Variants in TBX15 observed in about 807,000 individuals in gnomAD.
TBX15 encodes the protein T-box transcription factor 15, also known as T-box transcription factor TBX15.
In TBX15, 18 loss-of-function variants were observed where a neutral mutation model predicts 53.9. The observed-to-expected ratio is 0.33, with a 90% CI of 0.23 to 0.49. The LOEUF (loss-of-function observed/expected upper bound fraction) is 0.49. Among genes scored for constraint, TBX15 ranks in the 20% least tolerant of loss-of-function variants. The pLI is 0.98. For synonymous variants in TBX15, 295 were observed against 278.0 expected (o/e 1.06, Z -0.61); for missense variants, 692 against 749.5 (o/e 0.92, Z 0.90).
chr1:118,896,882 G>GA (rs1298505275), intron 7 of TBX15, among the ~76,000 whole-genome samples: 1 of 152,112 alleles, frequency 6.6e-6, no homozygotes, highest in Admixed American at 6.5e-5. Flanking sequence ...TTAATAATGA[G>GA]AATCTGGATC....
intron 1 of TBX15, among the ~76,000 whole-genome samples, chr1:118,976,098 C>CA (rs1324408003): frequency 6.6e-6 from 1 of 152,062 alleles, no homozygotes; most frequent in Non-Finnish European, 1.5e-5. Context: ...AGTAAATGAT[C>CA]AAATCCAGGC....
chr1:118,899,210 A>C (rs868416981), intron 6 of TBX15, 85 bp from the exon 7 acceptor site: 4 of 1,234,578 alleles, frequency 3.2e-6, no homozygotes, highest in Middle Eastern at 1.9e-4. Flanking sequence ...GTGGACTGTC[A>C]AACAGGTAAT....
chr1:118,975,489 A>T (rs1182496357), intron 1 of TBX15, among the ~76,000 whole-genome samples: 1 of 152,248 alleles, frequency 6.6e-6, no homozygotes, highest in Admixed American at 6.5e-5. Context: ...GCTCTTAAGC[A>T]TCATCTACAG....
intron 3 of TBX15, among the ~76,000 whole-genome samples, chr1:118,926,159 C>T (rs576682379): frequency 2.6e-5 from 4 of 152,168 alleles, no homozygotes; most frequent in Non-Finnish European, 5.9e-5. Flanking sequence ...CCTCTCCTTC[C>T]TCTTTCCAAA....
intron 6 of TBX15, among the ~76,000 whole-genome samples, chr1:118,903,617 G>C (rs1654711600): frequency 6.6e-6 from 1 of 152,114 alleles, no homozygotes; most frequent in Admixed American, 6.6e-5. Context: ...GTATGCTATA[G>C]GTTGATAAGG....
intron 7 of TBX15, among the ~76,000 whole-genome samples, chr1:118,888,533 A>T (rs927307713): frequency 6.6e-6 from 1 of 152,172 alleles, no homozygotes; most frequent in Non-Finnish European, 1.5e-5. Flanking sequence ...TTCCTCTTTG[A>T]GGCATCCTAC....
rs184651814 is a variant in TBX15, at chr1:118,884,460, A to G, written c.*272T>C. ...ACGAAGTGATTATTCAGTCTCTTCA[A>G]AGGCCACTCTGGAACAGACAATGCT... On this transcript the variant is annotated 3_prime_UTR_variant, in exon 8 of 8. Transcript: ENST00000369429. The G allele has an allele frequency of 3.9e-6, 2 of 509,230 alleles. No homozygotes were observed. The highest frequency in any genetic ancestry group is 7.1e-5 in the East Asian group (2 of 28,338). The allele number at this position is 509,230 out of a possible 1,614,324, so 31.5% of individuals were successfully genotyped here.
At chr1:118,945,198 A>G (rs959348174) in intron 1 of TBX15, among the ~76,000 whole-genome samples, 6 of 152,200 alleles carry the variant, frequency 3.9e-5, no homozygotes, top group Non-Finnish European at 1.5e-5. Flanking sequence ...AGACATTGCC[A>G]GTGAATTGAG....
At chr1:118,949,131 T>C (rs889168861) in intron 1 of TBX15, among the ~76,000 whole-genome samples, 8 of 152,268 alleles carry the variant, frequency 5.3e-5, no homozygotes, top group East Asian at 1.9e-4. Flanking sequence ...ACCAGATTGA[T>C]TAGTGATGTG....
chr1:118,984,534 G>A (rs1221602217), intron 1 of TBX15, among the ~76,000 whole-genome samples: 1 of 151,852 alleles, frequency 6.6e-6, no homozygotes, highest in Non-Finnish European at 1.5e-5. Context: ...TTGCAAGGCC[G>A]CAGCCGGAGC....
At chr1:118,980,504 A>G (rs1657610824) in intron 1 of TBX15, among the ~76,000 whole-genome samples, 1 of 152,244 alleles carries the variant, frequency 6.6e-6, no homozygotes, top group Admixed American at 6.5e-5. Flanking sequence ...CTTGGCAACT[A>G]TATTGTAGAA....
Position 118,988,012 on chromosome 1 carries a change from C to T in TBX15, c.-217G>A. The T allele has an allele frequency of 1.6e-6, 1 of 639,084 alleles. No individual in the cohort carries two copies. Among genetic ancestry groups the T allele is most frequent in the Non-Finnish European group, 2.6e-6 (1 of 378,764 alleles). 39.6% of individuals were successfully genotyped at this position (639,084 alleles called of 1,614,324 possible). The stretch of plus-strand genomic sequence containing the variant: ...CTGCGCCCCTACGCTGGCCCAGCTG[C>T]TAGGAACTAGCGCCCCGAGCGCCGC... On this transcript the variant is annotated 5_prime_UTR_variant, in exon 1 of 8. The change abolishes the stop of an existing upstream ORF in the 5' untranslated region. Transcript: ENST00000369429.
chr1:118,939,646 A>C (rs2101631816), intron 1 of TBX15, among the ~76,000 whole-genome samples: 1 of 149,808 alleles, frequency 6.7e-6, no homozygotes, highest in African/African-American at 2.5e-5. Context: ...GCATCACGCA[A>C]TATTCCCATG....
chr1:118,901,508 T>G (rs900170753), intron 6 of TBX15: 40 of 440,408 alleles, frequency 9.1e-5, no homozygotes, highest in Middle Eastern at 6.9e-4. Flanking sequence ...GCAAGAAGAC[T>G]GTGACAAAAG....
chr1:118,970,723 T>C (rs1280108737), intron 1 of TBX15, among the ~76,000 whole-genome samples: 1 of 152,178 alleles, frequency 6.6e-6, no homozygotes. Flanking sequence ...TTTTAATGCA[T>C]TCTCACAGAG....
At chr1:118,923,064 A>G (rs1461263606) in intron 5 of TBX15, among the ~76,000 whole-genome samples, 2 of 151,704 alleles carry the variant, frequency 1.3e-5, no homozygotes, top group African/African-American at 2.4e-5. Flanking sequence ...GTCCTTGTCT[A>G]TGTTGATGCT....
chr1:118,895,585 A>G (rs531673443), intron 7 of TBX15, among the ~76,000 whole-genome samples: 1 of 152,234 alleles, frequency 6.6e-6, no homozygotes, highest in Non-Finnish European at 1.5e-5. Flanking sequence ...TCCAAGCATA[A>G]CTTGCCTGGT....
At chr1:118,893,352 GGAAGGAAAGAAAGAAAGAAAGAAAGAAA>G (rs1408834519) in intron 7 of TBX15, among the ~76,000 whole-genome samples, 34 of 63,212 alleles carry the variant, frequency 5.4e-4, no homozygotes, top group East Asian at 3.0e-3. Context: ...AAGGAAGGAA[GGAAGGAAAGAAAGAAAGAAAGAAAGAAA>G]GAAAGAAAGA....
At chr1:118,949,094 G>T (rs1289858461) in intron 1 of TBX15, among the ~76,000 whole-genome samples, 2 of 152,144 alleles carry the variant, frequency 1.3e-5, no homozygotes, top group Non-Finnish European at 2.9e-5. Context: ...GAAGCATGAG[G>T]CCCAATCCAA....
Sources: allele counts gnomAD v4.1 joint callset (sites outside exome capture counted in the v4.1 genomes callset), GRCh38; gene constraint gnomAD v4.1.1; transcripts MANE v1.5; gene names NCBI Gene and HGNC (gene_info 2026-07-23, HGNC 2026-07-21).